The following TMTC2 variants were observed in gnomAD, a reference collection of about 807,000 sequenced individuals.
TMTC2 encodes transmembrane O-mannosyltransferase targeting cadherins 2.
TMTC2 carries 43 observed loss-of-function variants against 82.4 expected under a neutral mutation model. The ratio of observed to expected loss-of-function variants is 0.52; its 90% confidence interval spans 0.41 to 0.67. TMTC2 has a LOEUF of 0.67. TMTC2 is among the 30% of genes least tolerant of loss of function. The pLI is 0.00. For synonymous variants in TMTC2, 408 were observed against 381.9 expected, an observed-to-expected ratio of 1.07 and a Z score of -0.80; for missense variants, 919 against 1,012.4, an observed-to-expected ratio of 0.91 and a Z score of 1.25.
intron 11 of TMTC2, among the ~76,000 whole-genome samples, chr12:83,104,325 A>C (rs73368053): frequency 0.19 from 28,144 of 152,110 alleles, 3,231 homozygotes; most frequent in African/African-American, 0.31. Flanking sequence ...GCTCCAACCC[A>C]ACATTTCCCC....
At chr12:82,943,144 A>G (rs1876815562) in intron 4 of TMTC2, among the ~76,000 whole-genome samples, 1 of 152,140 alleles carries the variant, frequency 6.6e-6, no homozygotes, top group Non-Finnish European at 1.5e-5. Flanking sequence ...TTCGTTCATT[A>G]TATTGTCATA....
chr12:82,989,562 AC>A (rs34122946), intron 8 of TMTC2, among the ~76,000 whole-genome samples: 20 of 149,348 alleles, frequency 1.3e-4, no homozygotes, highest in South Asian at 4.2e-4. Flanking sequence ...GCCCACCTGC[AC>A]CCCCCCCAAA....
chr12:83,050,095 C>T (rs555419252), intron 9 of TMTC2, among the ~76,000 whole-genome samples: 2 of 152,056 alleles, frequency 1.3e-5, no homozygotes, highest in African/African-American at 2.4e-5. Flanking sequence ...AATAATTATA[C>T]CACAACTTGA....
chr12:82,857,364 CTTCTT>C lies in TMTC2; in HGVS notation c.440_444del (p.Phe147SerfsTer9), dbSNP rs1254388009. On this transcript the variant is annotated frameshift_variant, in exon 2 of 12. Transcript: ENST00000321196. LOFTEE classifies it high-confidence loss of function. The stretch of plus-strand genomic sequence containing the variant: ...GACGAGCCGATGTCGGGGCCAGTCT[CTTCTT>C]TCTCCTCTCCTTGCTCTGCTACATT... The C allele has an allele frequency of 6.2e-7, 1 of 1,614,068 alleles. No homozygotes were observed. Among genetic ancestry groups the C allele is most frequent in the Non-Finnish European group, 8.5e-7 (1 of 1,180,034 alleles).
chr12:82,955,638 T>G (rs192098156), intron 4 of TMTC2, among the ~76,000 whole-genome samples: 50 of 152,282 alleles, frequency 3.3e-4, no homozygotes, highest in Admixed American at 3.1e-3. Flanking sequence ...TTTTTCTTTT[T>G]TTAGTAACAT....
chr12:82,772,701 A>C (rs533578106), intron 1 of TMTC2, among the ~76,000 whole-genome samples: 1 of 152,188 alleles, frequency 6.6e-6, no homozygotes, highest in East Asian at 1.9e-4. Context: ...TCCATGTTCC[A>C]CCCCCTGAAA....
At chr12:82,977,639 A>G (rs1161046029) in intron 7 of TMTC2, among the ~76,000 whole-genome samples, 1 of 151,818 alleles carries the variant, frequency 6.6e-6, no homozygotes, top group Non-Finnish European at 1.5e-5. Flanking sequence ...TAATTAGAAA[A>G]TGATACATAT....
intron 1 of TMTC2, among the ~76,000 whole-genome samples, chr12:82,836,869 C>T (rs1870072206): frequency 6.6e-6 from 1 of 151,978 alleles, no homozygotes; most frequent in South Asian, 2.1e-4. Flanking sequence ...TTCATTCCTT[C>T]ATCACTGCTG....
intron 1 of TMTC2, among the ~76,000 whole-genome samples, chr12:82,730,643 CTAGTT>C (rs1236282032): frequency 1.3e-5 from 2 of 152,170 alleles, no homozygotes; most frequent in Non-Finnish European, 1.5e-5. Context: ...ATTGAAGACA[CTAGTT>C]TAAGAGTTAA....
chr12:83,001,670 A>T (rs1281591311), intron 8 of TMTC2, among the ~76,000 whole-genome samples: 1 of 151,564 alleles, frequency 6.6e-6, no homozygotes, highest in Non-Finnish European at 1.5e-5. Context: ...AGAAAAAGTA[A>T]TGTCTTCCAC....
chr12:83,095,217 G>A (rs1883981220), intron 11 of TMTC2, among the ~76,000 whole-genome samples: 1 of 143,774 alleles, frequency 7.0e-6, no homozygotes, highest in Non-Finnish European at 1.5e-5. Flanking sequence ...AAAATTTCAT[G>A]GTTTTTTTTT....
intron 1 of TMTC2, among the ~76,000 whole-genome samples, chr12:82,722,057 G>A (rs1359982333): frequency 6.6e-6 from 1 of 152,050 alleles, no homozygotes; most frequent in African/African-American, 2.4e-5. Flanking sequence ...GAACTGTAAG[G>A]TTTTATTCTG....
At chr12:83,096,502 G>C (rs1043873770) in intron 11 of TMTC2, among the ~76,000 whole-genome samples, 10 of 152,170 alleles carry the variant, frequency 6.6e-5, no homozygotes, top group African/African-American at 2.4e-4. Flanking sequence ...CAGTTAATTT[G>C]GACAGTTCCA....
At chr12:83,060,714 A>G (rs1565873161) in intron 10 of TMTC2, among the ~76,000 whole-genome samples, 1 of 151,896 alleles carries the variant, frequency 6.6e-6, no homozygotes, top group Admixed American at 6.6e-5. Context: ...ATTACCTGCC[A>G]TCTTAGAAGG....
rs1046083726 is a variant in TMTC2, at chr12:82,730,402, A to G, written c.83+42733A>G. Among the ~76,000 whole-genome samples the G allele has an allele frequency of 2.6e-5, 4 of 152,098 alleles. No homozygotes were observed. In the East Asian group the frequency reaches 7.7e-4, roughly 29 times the overall value. ...GCTTTTCTTCTGCTATTGGAATAATAATAAGAGTGTAGTCTGGGGGTCACT... is the reference window on the plus strand; with the variant it reads ...GCTTTTCTTCTGCTATTGGAATAATGATAAGAGTGTAGTCTGGGGGTCACT... On this transcript the variant is annotated intron_variant, in intron 1 of 11. Coordinates refer to ENST00000321196, the MANE Select transcript of TMTC2 (RefSeq NM_152588.3).
intron 1 of TMTC2, among the ~76,000 whole-genome samples, chr12:82,697,725 T>C (rs935778149): frequency 2.6e-5 from 4 of 152,214 alleles, no homozygotes; most frequent in African/African-American, 9.6e-5. Flanking sequence ...GTAAGATGAC[T>C]GTGGGGGCAG....
intron 9 of TMTC2, among the ~76,000 whole-genome samples, chr12:83,045,752 C>CACACACACACACACACACA (rs3223367): frequency 1.9e-3 from 290 of 149,070 alleles, no homozygotes; most frequent in Middle Eastern, 6.8e-3. Context: ...CACACACACA[C>CACACACACACACACACACA]CAGGAGTGTC....
At chr12:82,799,294 G>A (rs1208811013) in intron 1 of TMTC2, among the ~76,000 whole-genome samples, 1 of 152,126 alleles carries the variant, frequency 6.6e-6, no homozygotes, top group Non-Finnish European at 1.5e-5. Flanking sequence ...CTTGGTTCCA[G>A]CCTCCATGTT....
At chr12:82,845,432 G>T (rs982646889) in intron 1 of TMTC2, among the ~76,000 whole-genome samples, 4 of 151,514 alleles carry the variant, frequency 2.6e-5, no homozygotes, top group Non-Finnish European at 5.9e-5. Context: ...CATAAATTAT[G>T]TAAACAAATG....
Sources: allele counts gnomAD v4.1 joint callset (sites outside exome capture counted in the v4.1 genomes callset), GRCh38; gene constraint gnomAD v4.1.1; transcripts MANE v1.5; gene names NCBI Gene and HGNC (gene_info 2026-07-23, HGNC 2026-07-21).